The following DAB1 variants were observed in gnomAD, a reference collection of about 807,000 sequenced individuals.
DAB1 encodes DAB adaptor protein 1, also known as disabled homolog 1.
A neutral mutation model predicts 64.6 loss-of-function variants in DAB1; 15 were observed. The observed-to-expected ratio is 0.23, with a 90% CI of 0.16 to 0.36. The LOEUF is 0.36. Among genes scored for constraint, DAB1 ranks in the 10% least tolerant of loss-of-function variants. The pLI is 1.00. For synonymous variants in DAB1, 235 were observed against 251.9 expected (o/e 0.93, Z 0.64); for missense variants, 596 against 706.7 (o/e 0.84, Z 1.78).
intron 5 of DAB1, among the ~76,000 whole-genome samples, chr1:58,015,143 T>G (rs1320784780): frequency 6.6e-6 from 1 of 152,076 alleles, no homozygotes; most frequent in African/African-American, 2.4e-5. Flanking sequence ...CCAAATGGAG[T>G]CCATGGGCCT....
chr1:58,402,167 A>G (rs1644575378), intron 3 of DAB1, among the ~76,000 whole-genome samples: 1 of 152,126 alleles, frequency 6.6e-6, no homozygotes. Flanking sequence ...CAGCTCCCTT[A>G]AAAGAGCTCC....
chr1:57,332,177 G>A (rs779048750), intron 1 of DAB1, among the ~76,000 whole-genome samples: 1 of 152,026 alleles, frequency 6.6e-6, no homozygotes, highest in Non-Finnish European at 1.5e-5. Flanking sequence ...TTGGCCAGGT[G>A]GGTCTTGAAC....
At chr1:57,180,144 G>A (rs1662758571) in intron 2 of DAB1, among the ~76,000 whole-genome samples, 2 of 152,130 alleles carry the variant, frequency 1.3e-5, no homozygotes, top group Admixed American at 1.3e-4. Context: ...AACTTGCTTT[G>A]GAAATGGTAA....
chr1:57,634,503 G>T (rs775016677), intron 7 of DAB1, among the ~76,000 whole-genome samples: 3 of 152,194 alleles, frequency 2.0e-5, no homozygotes, highest in African/African-American at 7.2e-5. Flanking sequence ...CCAAACAAAT[G>T]AAATGATCAC....
At position 56,997,589 on chromosome 1, in the gene DAB1, G is replaced by A. The variant is rs115240704; in HGVS notation, c.*555C>T. On this transcript the variant is annotated 3_prime_UTR_variant, in exon 15 of 15. Coordinates refer to ENST00000371236, the MANE Select transcript of DAB1 (RefSeq NM_001365792.1). ...ACAAAAAAAGGAAAGGGGGGAAAAT[G>A]GCAGACCAGGCCCCATGGAGTGACA... The A allele has an allele frequency of 4.2e-3, 634 of 152,170 alleles. 5 individuals carry two copies. Among genetic ancestry groups the A allele is most frequent in the African/African-American group, 0.014 (591 of 41,518 alleles). The allele number at this position is 152,170 out of a possible 1,614,324, so 9.4% of individuals were successfully genotyped here.
At chr1:58,436,044 G>A (rs1385450646) in intron 3 of DAB1, among the ~76,000 whole-genome samples, 1 of 152,154 alleles carries the variant, frequency 6.6e-6, no homozygotes, top group Non-Finnish European at 1.5e-5. Flanking sequence ...GGTCCTCACA[G>A]TTTGCCCAGC....
intron 5 of DAB1, among the ~76,000 whole-genome samples, chr1:58,091,029 C>G (rs1372826293): frequency 6.6e-6 from 1 of 152,222 alleles, no homozygotes; most frequent in Non-Finnish European, 1.5e-5. Flanking sequence ...GTTACACCCT[C>G]TCCACAGCCA....
chr1:57,146,063 A>C (rs1002941266), intron 2 of DAB1, among the ~76,000 whole-genome samples: 3 of 152,192 alleles, frequency 2.0e-5, no homozygotes, highest in Non-Finnish European at 4.4e-5. Flanking sequence ...CTCAATAATT[A>C]TTAAGATAAT....
chr1:58,297,973 T>C (rs533593053), intron 4 of DAB1, among the ~76,000 whole-genome samples: 1 of 152,298 alleles, frequency 6.6e-6, no homozygotes, highest in African/African-American at 2.4e-5. Flanking sequence ...TTTCCTCCAT[T>C]GTCAGATCAA....
At chr1:57,747,768 C>T (rs573437982) in intron 6 of DAB1, among the ~76,000 whole-genome samples, 2 of 130,292 alleles carry the variant, frequency 1.5e-5, no homozygotes, top group East Asian at 2.3e-4. Flanking sequence ...AATATCGCGT[C>T]ACTGCACTCC....
At chr1:57,429,290 CA>C (rs200417052) in intron 7 of DAB1, among the ~76,000 whole-genome samples, 2 of 151,486 alleles carry the variant, frequency 1.3e-5, no homozygotes, top group African/African-American at 4.8e-5. Context: ...CCTTCTTTAA[CA>C]AAAAAAAGTC....
chr1:57,029,681 C>A (rs757533444), intron 9 of DAB1, among the ~76,000 whole-genome samples: 2 of 152,190 alleles, frequency 1.3e-5, no homozygotes, highest in Non-Finnish European at 2.9e-5. Flanking sequence ...TGGTGTCAAA[C>A]AAGATCATTT....
At chr1:57,182,106 C>T (rs1277179446) in intron 2 of DAB1, among the ~76,000 whole-genome samples, 4 of 152,104 alleles carry the variant, frequency 2.6e-5, no homozygotes, top group African/African-American at 4.8e-5. Flanking sequence ...AGGATAGTCT[C>T]GATCTCCTGA....
chr1:58,117,838 C>CT lies in DAB1; in HGVS notation n.387+32672dup, dbSNP rs1439183793. Among the ~76,000 whole-genome samples, 307 of 101,540 alleles carry CT rather than the reference C, an allele frequency of 3.0e-3. 6 individuals are homozygous for CT. The East Asian group carries it at 0.11, about 36-fold the overall frequency. The allele number at this position is 101,540 out of a possible 152,430, so 66.6% of individuals were successfully genotyped here. On this transcript the variant is annotated intron_variant and non_coding_transcript_variant, in intron 5 of 20. Transcript: ENST00000485760. ...CTGACCCTAAAGACCAGATATCATG[C>CT]TTTGTTTTTTTTTTTATATTTTTTT...
chr1:57,878,507 A>T (rs1341190736), intron 1 of DAB1: 6 of 152,188 alleles, frequency 3.9e-5, no homozygotes, highest in Non-Finnish European at 8.8e-5. Context: ...AGCTTAATCA[A>T]ACATGTTAGG....
intron 5 of DAB1, among the ~76,000 whole-genome samples, chr1:58,002,595 T>C (rs1257035903): frequency 6.6e-6 from 1 of 152,058 alleles, no homozygotes; most frequent in Non-Finnish European, 1.5e-5. Context: ...TTTTCTATAA[T>C]GCAAAGATAA....
At chr1:57,029,887 G>A (rs1176389050) in intron 9 of DAB1, among the ~76,000 whole-genome samples, 1 of 152,314 alleles carries the variant, frequency 6.6e-6, no homozygotes, top group Non-Finnish European at 1.5e-5. Context: ...TGTCTCAGAT[G>A]AGACTTTGGA....
At chr1:57,062,992 T>C (rs1240050887) in intron 8 of DAB1, 49 bp from the exon 9 acceptor site, 2 of 1,552,214 alleles carry the variant, frequency 1.3e-6, no homozygotes, top group Non-Finnish European at 8.9e-7. Context: ...GGTACTCCAA[T>C]TTCAAAGAAC....
intron 2 of DAB1, among the ~76,000 whole-genome samples, chr1:57,284,611 C>G (rs1046452289): frequency 1.4e-4 from 21 of 152,200 alleles, no homozygotes; most frequent in African/African-American, 5.1e-4. Flanking sequence ...CAGGCTGCCT[C>G]CTCTGCAGGA....
Sources: allele counts gnomAD v4.1 joint callset (sites outside exome capture counted in the v4.1 genomes callset), GRCh38; gene constraint gnomAD v4.1.1; transcripts MANE v1.5; gene names NCBI Gene and HGNC (gene_info 2026-07-23, HGNC 2026-07-21).